The following PBLD variants were observed in gnomAD, a reference collection of about 807,000 sequenced individuals.
The protein encoded by PBLD is phenazine biosynthesis-like domain-containing protein.
Under a neutral mutation model 31.3 loss-of-function variants are expected in PBLD, and 26 were observed. That is an observed-to-expected ratio of 0.83 (90% CI 0.61 to 1.15). The LOEUF (loss-of-function observed/expected upper bound fraction) is 1.15, where lower values mean the gene tolerates loss of function less well. PBLD is among the 50% of genes most tolerant of loss of function. The pLI is 0.00. For missense variants in PBLD, 307 were observed against 351.7 expected (o/e 0.87, Z 1.02); for synonymous variants, 114 against 129.0 (o/e 0.88, Z 0.79).
chr10:68,306,798 A>T lies in PBLD; in HGVS notation c.47T>A (p.Phe16Tyr). 1 of 1,612,172 alleles carries T rather than the reference A, an allele frequency of 6.2e-7. No individual in the cohort carries two copies. The highest frequency in any genetic ancestry group is 2.2e-5 in the East Asian group (1 of 44,830). ...FIADAFTARAFRGNPAAVCLL... is the reference protein window; with the variant it reads ...FIADAFTARAYRGNPAAVCLL... ...GCAAACAGCAGCAGGATTCCCACGA[A>T]ATGCTCTTGCTGTGAATGCATCTGC... Residue 16 changes from phenylalanine to tyrosine, a missense_variant, in exon 2 of 10, where the codon TTT becomes TAT. By Grantham distance (22) the Phe-to-Tyr change is conservative (BLOSUM62 3). Coordinates refer to ENST00000358769, the MANE Select transcript of PBLD (RefSeq NM_022129.4).
At chr10:68,330,507 A>G (rs2045018779) in intron 1 of PBLD, among the ~76,000 whole-genome samples, 1 of 152,144 alleles carries the variant, frequency 6.6e-6, no homozygotes, top group Non-Finnish European at 1.5e-5. Context: ...CACCCCACGT[A>G]TGTTCCTACC....
chr10:68,313,426 A>G (rs2134502941), intron 1 of PBLD, among the ~76,000 whole-genome samples: 1 of 152,312 alleles, frequency 6.6e-6, no homozygotes, highest in African/African-American at 2.4e-5. Flanking sequence ...ATATAGATCT[A>G]TTCAAATACG....
chr10:68,328,702 T>C (rs2044963880), intron 1 of PBLD, among the ~76,000 whole-genome samples: 2 of 152,194 alleles, frequency 1.3e-5, no homozygotes, highest in African/African-American at 2.4e-5. Flanking sequence ...CAGATAGGTC[T>C]GGAAACAATT....
At chr10:68,295,356 G>T (rs2044410635) in intron 4 of PBLD, among the ~76,000 whole-genome samples, 1 of 152,004 alleles carries the variant, frequency 6.6e-6, no homozygotes, top group Non-Finnish European at 1.5e-5. Flanking sequence ...AGCCAGGTGT[G>T]GTGGTGTGCA....
chr10:68,316,427 A>C (rs900428748), intron 1 of PBLD, among the ~76,000 whole-genome samples: 1 of 152,138 alleles, frequency 6.6e-6, no homozygotes, highest in South Asian at 2.1e-4. Flanking sequence ...AAATAGGTTA[A>C]TTGAGATTAT....
chr10:68,294,478 GC>G (rs2044399126), intron 4 of PBLD, among the ~76,000 whole-genome samples: 1 of 152,198 alleles, frequency 6.6e-6, no homozygotes, highest in South Asian at 2.1e-4. Context: ...GTGGCCAACA[GC>G]TCTCAACTGA....
chr10:68,283,070 GAC>G lies in PBLD; in HGVS notation c.*1105_*1106del. The G allele has an allele frequency of 6.7e-6, 1 of 149,028 alleles. No homozygotes were observed. The highest frequency in any genetic ancestry group is 2.0e-4 in the East Asian group (1 of 5,090). The allele number at this position is 149,028 out of a possible 1,614,324, so 9.2% of individuals were successfully genotyped here. ...CATTCCTTTTTTTTTTTTTAATAGAGACAAGTTCTCGCTGTGTTGCCCAGGCT... is the reference window on the plus strand; with the variant it reads ...CATTCCTTTTTTTTTTTTTAATAGAGAAGTTCTCGCTGTGTTGCCCAGGCT... On this transcript the variant is annotated 3_prime_UTR_variant, in exon 10 of 10. Transcript: ENST00000358769.
chr10:68,291,882 A>C, intron 6 of PBLD, 128 bp downstream of exon 6: 1 of 1,086,334 alleles, frequency 9.2e-7, no homozygotes, highest in Non-Finnish European at 1.3e-6. Context: ...TGAATATTAA[A>C]ATTCAAACCT....
chr10:68,317,565 A>G (rs575647549), intron 1 of PBLD, among the ~76,000 whole-genome samples: 2 of 152,236 alleles, frequency 1.3e-5, no homozygotes, highest in East Asian at 3.9e-4. Flanking sequence ...TGGGAGGCCA[A>G]GGAGGGCATC....
intron 2 of PBLD, among the ~76,000 whole-genome samples, chr10:68,305,842 G>T (rs1447356833): frequency 6.6e-6 from 1 of 152,146 alleles, no homozygotes; most frequent in Non-Finnish European, 1.5e-5. Flanking sequence ...CATTTTCAAA[G>T]TTCCTTGGGT....
rs1167240716 is a variant in PBLD, at chr10:68,288,912, A to G, written c.512+19T>C. 6.2e-6 allele frequency: 10 copies of G among 1,610,186 alleles called. No individual in the cohort carries two copies. The highest frequency in any genetic ancestry group is 1.3e-5 in the African/African-American group (1 of 74,840). On this transcript the variant is annotated intron_variant, in intron 7 of 9. Transcript: ENST00000358769. ...GTACTCAGCCCTCCCCAAAGTGCTG[A>G]TGCAGCCAAAAATCTTACCTGTTGT...
Position 68,306,795 on chromosome 10 carries a change from C to T in PBLD, c.50G>A (p.Arg17His), listed in dbSNP as rs372009307. Residue 17 changes from arginine (R) to histidine (H), a missense_variant, in exon 2 of 10, where the codon CGT becomes CAT. By Grantham distance (29) the Arg-to-His change is conservative. Coordinates refer to ENST00000358769, the MANE Select transcript of PBLD (RefSeq NM_022129.4). ...IADAFTARAFRGNPAAVCLLE... is the reference protein window; with the variant it reads ...IADAFTARAFHGNPAAVCLLE... Reference sequence around the variant, plus strand: ...GAGGCAAACAGCAGCAGGATTCCCACGAAATGCTCTTGCTGTGAATGCATC... The same window carrying T: ...GAGGCAAACAGCAGCAGGATTCCCATGAAATGCTCTTGCTGTGAATGCATC... 7.7e-5 allele frequency: 124 copies of T among 1,611,882 alleles called. No homozygotes were observed. The highest frequency in any genetic ancestry group is 9.0e-5 in the Non-Finnish European group (106 of 1,178,572).
intron 1 of PBLD, among the ~76,000 whole-genome samples, chr10:68,309,278 G>A (rs925884098): frequency 2.7e-5 from 4 of 148,704 alleles, no homozygotes; most frequent in East Asian, 2.1e-4. Context: ...GTGCTGGCTC[G>A]TGCCTATAAT....
At chr10:68,289,664 C>CACACACACACACAT (rs1491504510) in intron 6 of PBLD, among the ~76,000 whole-genome samples, 78 of 3,408 alleles carry the variant, frequency 0.023, no homozygotes, top group Admixed American at 0.026. Context: ...GGCCAAAGAT[C>CACACACACACACAT]ACACACACAC....
intron 2 of PBLD, among the ~76,000 whole-genome samples, chr10:68,303,605 T>G (rs2044535492): frequency 1.6e-5 from 2 of 124,436 alleles, no homozygotes; most frequent in Non-Finnish European, 3.5e-5. Context: ...AATTAAAAAA[T>G]TTAAAAATGG....
At chr10:68,305,680 G>A (rs945334665) in intron 2 of PBLD, among the ~76,000 whole-genome samples, 12 of 152,022 alleles carry the variant, frequency 7.9e-5, no homozygotes, top group African/African-American at 2.9e-4. Flanking sequence ...ACTTGAACCC[G>A]GGAGGCGGAT....
At chr10:68,313,912 T>G (rs7895740) in intron 1 of PBLD, among the ~76,000 whole-genome samples, 30,634 of 152,104 alleles carry the variant, frequency 0.2, 3,569 homozygotes, top group African/African-American at 0.3. Context: ...AAGCTGTACT[T>G]GACAATCCAA....
At chr10:68,298,639 C>T (rs1028439006) in intron 2 of PBLD, among the ~76,000 whole-genome samples, 9 of 152,096 alleles carry the variant, frequency 5.9e-5, no homozygotes, top group Admixed American at 2.0e-4. Flanking sequence ...GAGCTCCTAG[C>T]AGCAGTGTAA....
At chr10:68,287,249 T>C (rs1478131407) in intron 8 of PBLD, 1 of 152,218 alleles carries the variant, frequency 6.6e-6, no homozygotes, top group Non-Finnish European at 1.5e-5. Flanking sequence ...AACTCAGATG[T>C]TGGTTATCAA....
Sources: gnomAD v4.1 joint callset for allele counts (sites outside exome capture counted in the v4.1 genomes callset) on GRCh38, gnomAD v4.1.1 for gene constraint, MANE v1.5 for transcripts, NCBI Gene and HGNC (gene_info 2026-07-23, HGNC 2026-07-21) for gene names.